Variants in FRYL observed in about 807,000 individuals in gnomAD.
The protein encoded by FRYL is protein furry homolog-like.
In FRYL, 150 loss-of-function variants were observed where a neutral mutation model predicts 351.2. That is an observed-to-expected ratio of 0.43 (90% CI 0.37 to 0.49). FRYL has a LOEUF of 0.49. Among genes scored for constraint, FRYL ranks in the 20% least tolerant of loss-of-function variants. FRYL has a pLI of 0.00. For synonymous variants in FRYL, 1,153 were observed against 1,257.1 expected (o/e 0.92, Z 1.75); for missense variants, 3,036 against 3,619.3 (o/e 0.84, Z 4.13).
In FRYL at chr4:48,630,077, T is replaced by A. The variant is rs1752656266; in HGVS notation, c.120+4214A>T. Among the ~76,000 whole-genome samples the A allele has an allele frequency of 3.9e-5, 6 of 152,236 alleles. No homozygotes were observed. In the South Asian group the frequency reaches 1.2e-3, roughly 32 times the overall value. On this transcript the variant is annotated intron_variant, in intron 4 of 63. Coordinates refer to ENST00000358350, the MANE Select transcript of FRYL (RefSeq NM_015030.2). ...ATCTTCTGAGTCTAGTTCCCCAGAA[T>A]GCTTGCAGCTAAAGCCTAAACTCTC...
chr4:48,614,000 A>T (rs1348956703), intron 7 of FRYL, among the ~76,000 whole-genome samples: 1 of 152,016 alleles, frequency 6.6e-6, no homozygotes, highest in Non-Finnish European at 1.5e-5. Context: ...CAAATCAGCA[A>T]GAAAACTTTG....
intron 46 of FRYL, 118 bp downstream of exon 46, chr4:48,540,235 G>T: frequency 8.0e-7 from 1 of 1,248,182 alleles, no homozygotes; most frequent in Non-Finnish European, 1.1e-6. Flanking sequence ...AAGCTACCTA[G>T]CGTATAAAAA....
intron 1 of FRYL, among the ~76,000 whole-genome samples, chr4:48,715,206 C>A (rs1345251469): frequency 6.6e-6 from 1 of 151,434 alleles, no homozygotes; most frequent in African/African-American, 2.4e-5. Flanking sequence ...CCTTTGAAAA[C>A]TGGCACAAGA....
chr4:48,588,312 C>T (rs188204963), intron 18 of FRYL, among the ~76,000 whole-genome samples: 64 of 152,268 alleles, frequency 4.2e-4, no homozygotes, highest in African/African-American at 1.4e-3. Flanking sequence ...TGCTTTGACA[C>T]CCATATTAAA....
intron 54 of FRYL, 101 bp downstream of exon 54, chr4:48,522,800 G>C (rs899672092): frequency 2.3e-6 from 2 of 864,168 alleles, no homozygotes; most frequent in Non-Finnish European, 2.0e-6. Context: ...ATTCATTTCA[G>C]TGTGTGCATT....
chr4:48,673,896 G>A (rs1309413074), intron 3 of FRYL, among the ~76,000 whole-genome samples: 1 of 152,164 alleles, frequency 6.6e-6, no homozygotes, highest in East Asian at 1.9e-4. Flanking sequence ...GAACACATAT[G>A]TACTAAATAG....
At chr4:48,692,832 C>G (rs1183641453) in intron 2 of FRYL, among the ~76,000 whole-genome samples, 1 of 152,118 alleles carries the variant, frequency 6.6e-6, no homozygotes, top group East Asian at 1.9e-4. Flanking sequence ...TGGAAACTAC[C>G]TGTACTATTA....
Position 48,768,100 on chromosome 4 carries a change from A to T in FRYL, c.-384+11978T>A, listed in dbSNP as rs150844512. ...TTTCCTGACACTGAATACAGTACGT[A>T]AAGGTTTCCTAAAGGAAAGGTGGCA... On this transcript the variant is annotated intron_variant, in intron 1 of 63. Coordinates refer to ENST00000358350, the MANE Select transcript of FRYL (RefSeq NM_015030.2). 1.3e-4 allele frequency among the ~76,000 whole-genome samples: 20 copies of T among 152,330 alleles called. No homozygotes were observed. The East Asian group carries it at 3.9e-3, about 29-fold the overall frequency.
chr4:48,713,545 G>A (rs1279823243), intron 1 of FRYL, among the ~76,000 whole-genome samples: 15 of 152,130 alleles, frequency 9.9e-5, no homozygotes, highest in Non-Finnish European at 2.2e-4. Flanking sequence ...TAACGGTAAA[G>A]GGATCAATTC....
intron 3 of FRYL, among the ~76,000 whole-genome samples, chr4:48,658,030 A>G (rs893831681): frequency 2.0e-5 from 3 of 152,226 alleles, no homozygotes; most frequent in African/African-American, 7.2e-5. Flanking sequence ...CAACAGAGGT[A>G]CATTCCAATA....
rs561466860 is a variant in FRYL at position 48,550,383 on chromosome 4, T to G, written c.4633+209A>C. The stretch of plus-strand genomic sequence containing the variant: ...GTTCTTATGTTCCTTGTGATTTATC[T>G]ATAGGAAACCAGTGCTTTAAAAAAA... On this transcript the variant is annotated intron_variant, in intron 38 of 63. Coordinates refer to ENST00000358350, the MANE Select transcript of FRYL (RefSeq NM_015030.2). 29 of 534,044 alleles carry G rather than the reference T, an allele frequency of 5.4e-5. 1 individual carries two copies. In the Admixed American group the frequency reaches 7.0e-4, roughly 13 times the overall value. The allele number at this position is 534,044 out of a possible 1,614,324, so 33.1% of individuals were successfully genotyped here. A position where few individuals can be genotyped will look rare whatever the true frequency, so the allele number is the denominator to read the frequency against.
intron 60 of FRYL, among the ~76,000 whole-genome samples, chr4:48,505,044 A>G (rs1720601373): frequency 1.3e-5 from 2 of 152,284 alleles, no homozygotes; most frequent in South Asian, 4.1e-4. Flanking sequence ...ACTACAATGT[A>G]TGTGTTTATG....
chr4:48,684,921 T>G (rs1416547252), intron 2 of FRYL, 126 bp from the exon 3 acceptor site: 1 of 152,240 alleles, frequency 6.6e-6, no homozygotes, highest in Non-Finnish European at 1.5e-5. Flanking sequence ...GCAGAGATCC[T>G]CTTTCAATAA....
intron 59 of FRYL, among the ~76,000 whole-genome samples, chr4:48,507,372 C>T (rs1391571124): frequency 5.9e-5 from 9 of 152,174 alleles, no homozygotes; most frequent in East Asian, 1.9e-4. Context: ...CTTCCTGTCA[C>T]GGCATTTTCT....
Position 48,553,408 on chromosome 4 carries a change from A to G in FRYL, c.4267-25T>C. 1.9e-6 allele frequency: 3 copies of G among 1,573,842 alleles called. No individual in the cohort carries two copies. The South Asian group carries it at 3.4e-5, about 18-fold the overall frequency. ...CCTGTCACAAAAGAAATCGTTCAGA[A>G]AAGAAAAAGCAAAGTTTTTATCTCA... On this transcript the variant is annotated intron_variant, in intron 35 of 63. Transcript: ENST00000358350.
chr4:48,776,049 A>G (rs1376794296), intron 1 of FRYL, among the ~76,000 whole-genome samples: 5 of 151,684 alleles, frequency 3.3e-5, no homozygotes, highest in Non-Finnish European at 7.4e-5. Context: ...AGGTTAAAAA[A>G]AAAAAGAAAA....
intron 2 of FRYL, among the ~76,000 whole-genome samples, chr4:48,694,116 G>T (rs1183765780): frequency 6.6e-6 from 1 of 152,118 alleles, no homozygotes; most frequent in Non-Finnish European, 1.5e-5. Context: ...TTGGTGTCAG[G>T]CATGACAGCA....
At chr4:48,540,191 T>A in intron 46 of FRYL, 123 bp from the exon 47 acceptor site, 2 of 1,142,340 alleles carry the variant, frequency 1.8e-6, no homozygotes, top group South Asian at 1.6e-5. Flanking sequence ...ATATTCGATC[T>A]TCTAATTCTT....
At chr4:48,529,518 C>T (rs945613050) in intron 50 of FRYL, among the ~76,000 whole-genome samples, 1 of 152,190 alleles carries the variant, frequency 6.6e-6, no homozygotes, top group Non-Finnish European at 1.5e-5. Context: ...ATTATACATA[C>T]ATCTTGCTAG....
Sources: gnomAD v4.1 joint callset for allele counts (sites outside exome capture counted in the v4.1 genomes callset) on GRCh38, gnomAD v4.1.1 for gene constraint, MANE v1.5 for transcripts, NCBI Gene and HGNC (gene_info 2026-07-23, HGNC 2026-07-21) for gene names.